Variants in ANKRD12 observed in about 807,000 individuals in gnomAD.
ANKRD12 encodes ankyrin repeat domain-containing protein 12.
A neutral mutation model predicts 183.4 loss-of-function variants in ANKRD12; 85 were observed. That is an observed-to-expected ratio of 0.46 (90% CI 0.39 to 0.56). The LOEUF (loss-of-function observed/expected upper bound fraction) is 0.56. Ranked by LOEUF, ANKRD12 falls within the 20% of genes least tolerant of loss-of-function variation. ANKRD12 has a pLI of 0.00. For synonymous variants in ANKRD12, 914 were observed against 800.2 expected (o/e 1.14, Z -2.40); for missense variants, 2,405 against 2,357.1 (o/e 1.02, Z -0.42).
rs113752187 is a variant in ANKRD12, at chr18:9,139,605, C to G, written c.-52+2640C>G. Among the ~76,000 whole-genome samples, 559 of 152,266 alleles carry G rather than the reference C, an allele frequency of 3.7e-3. 13 individuals carry two copies. The highest frequency in any genetic ancestry group is 0.013 in the African/African-American group (530 of 41,540). ...TAGTTCATAAGAGGTTTCTACTGCT[C>G]TCTGTATATAGACTTAGTTATGTTA... On this transcript the variant is annotated intron_variant, in intron 1 of 12. Coordinates refer to ENST00000262126, the MANE Select transcript of ANKRD12 (RefSeq NM_015208.5).
At chr18:9,258,966 C>G in intron 9 of ANKRD12, 35 bp downstream of exon 9, 2 of 1,550,500 alleles carry the variant, frequency 1.3e-6, no homozygotes, top group Non-Finnish European at 1.7e-6. Flanking sequence ...ACACCTGTAA[C>G]ACTGCCCAAT....
chr18:9,280,835 C>A, intron 12 of ANKRD12, 106 bp from the exon 13 acceptor site: 1 of 984,146 alleles, frequency 1.0e-6, no homozygotes, highest in Non-Finnish European at 1.5e-6. Context: ...GCTTTTTATG[C>A]TCCTGATGTG....
intron 8 of ANKRD12, among the ~76,000 whole-genome samples, chr18:9,247,932 G>A (rs2038059067): frequency 6.6e-6 from 1 of 151,812 alleles, no homozygotes; most frequent in African/African-American, 2.4e-5. Context: ...GATTACAGGC[G>A]CCCCCCACCT....
At chr18:9,266,962 CA>C (rs1385604734) in intron 10 of ANKRD12, among the ~76,000 whole-genome samples, 1 of 152,088 alleles carries the variant, frequency 6.6e-6, no homozygotes, top group Non-Finnish European at 1.5e-5. Flanking sequence ...GCAGGGGTTG[CA>C]ATCCTAGTCT....
Position 9,197,817 on chromosome 18 carries a change from G to T in ANKRD12, c.235+2119G>T, listed in dbSNP as rs141029044. The stretch of plus-strand genomic sequence containing the variant: ...TTTTGCTGTCTCAGGGATGCAGGGA[G>T]GCAGAAGAAAATTCCTGTGTAAGTG... On this transcript the variant is annotated intron_variant, in intron 3 of 12. Transcript: ENST00000262126. Among the ~76,000 whole-genome samples the T allele has an allele frequency of 2.6e-3, 393 of 152,264 alleles. 10 individuals carry two copies. Among genetic ancestry groups the T allele is most frequent in the Admixed American group, 0.021 (324 of 15,288 alleles).
chr18:9,263,563 A>G (rs1567992001), intron 9 of ANKRD12, among the ~76,000 whole-genome samples: 1 of 152,156 alleles, frequency 6.6e-6, no homozygotes, highest in Non-Finnish European at 1.5e-5. Flanking sequence ...TAGTCCTTCT[A>G]ATTTGCTCTT....
intron 3 of ANKRD12, among the ~76,000 whole-genome samples, chr18:9,202,147 T>C (rs974242623): frequency 6.6e-6 from 1 of 152,176 alleles, no homozygotes; most frequent in Admixed American, 6.5e-5. Context: ...TTTAAAAAGA[T>C]AATGTGTTAT....
At chr18:9,157,125 G>A (rs1045411771) in intron 1 of ANKRD12, among the ~76,000 whole-genome samples, 5 of 152,138 alleles carry the variant, frequency 3.3e-5, no homozygotes, top group East Asian at 3.9e-4. Context: ...TTAGGATGGC[G>A]TTACATCCCA....
chr18:9,141,617 G>A (rs2078318381), intron 1 of ANKRD12, among the ~76,000 whole-genome samples: 1 of 152,176 alleles, frequency 6.6e-6, no homozygotes, highest in Non-Finnish European at 1.5e-5. Context: ...AAGTTACAGG[G>A]TGGAAGTCAT....
intron 7 of ANKRD12, among the ~76,000 whole-genome samples, chr18:9,221,427 C>T (rs761390650): frequency 6.6e-6 from 1 of 152,100 alleles, no homozygotes; most frequent in Non-Finnish European, 1.5e-5. Flanking sequence ...GTGATATTAG[C>T]CTAAAGCAGA....
intron 1 of ANKRD12, among the ~76,000 whole-genome samples, chr18:9,171,484 A>G (rs1442659196): frequency 6.6e-6 from 1 of 151,990 alleles, no homozygotes; most frequent in Non-Finnish European, 1.5e-5. Flanking sequence ...CTAGCTGGTT[A>G]TTTGTTAGAC....
intron 10 of ANKRD12, among the ~76,000 whole-genome samples, chr18:9,267,742 G>T (rs574264458): frequency 2.6e-5 from 4 of 151,826 alleles, no homozygotes; most frequent in African/African-American, 9.7e-5. Context: ...ACATTCAAAA[G>T]GTAGCAGAAG....
At chr18:9,160,162 T>G (rs1259139674) in intron 1 of ANKRD12, among the ~76,000 whole-genome samples, 1 of 152,094 alleles carries the variant, frequency 6.6e-6, no homozygotes, top group East Asian at 1.9e-4. Flanking sequence ...TCCCAGCTAC[T>G]TGGGAGGCTG....
At chr18:9,180,767 G>A (rs1292230919) in intron 1 of ANKRD12, among the ~76,000 whole-genome samples, 1 of 152,056 alleles carries the variant, frequency 6.6e-6, no homozygotes, top group Non-Finnish European at 1.5e-5. Context: ...TTGAAAAATG[G>A]TGTAAGCTTT....
intron 10 of ANKRD12, among the ~76,000 whole-genome samples, chr18:9,266,081 AAACG>A (rs1441656884): frequency 6.6e-6 from 1 of 152,206 alleles, no homozygotes; most frequent in East Asian, 1.9e-4. Flanking sequence ...GAATAAAAAG[AAACG>A]AACAAAGCCT....
chr18:9,178,709 A>C (rs2033481417), intron 1 of ANKRD12, among the ~76,000 whole-genome samples: 1 of 152,174 alleles, frequency 6.6e-6, no homozygotes, highest in Non-Finnish European at 1.5e-5. Flanking sequence ...AAATTTGACT[A>C]GGATTGCCTT....
At chr18:9,177,300 G>A (rs556327819) in intron 1 of ANKRD12, among the ~76,000 whole-genome samples, 2 of 152,286 alleles carry the variant, frequency 1.3e-5, no homozygotes, top group East Asian at 1.9e-4. Flanking sequence ...TGGCCGTACC[G>A]CTATGCATCA....
At chr18:9,197,726 A>G (rs576509247) in intron 3 of ANKRD12, among the ~76,000 whole-genome samples, 6 of 152,352 alleles carry the variant, frequency 3.9e-5, no homozygotes, top group South Asian at 4.1e-4. Context: ...ATGGAAATGT[A>G]TCATTATAAA....
intron 4 of ANKRD12, among the ~76,000 whole-genome samples, chr18:9,204,940 A>T (rs150103649): frequency 6.6e-6 from 1 of 152,366 alleles, no homozygotes; most frequent in African/African-American, 2.4e-5. Context: ...TTCAATAGAC[A>T]GTGTCATCTT....
Sources: gnomAD v4.1 joint callset for allele counts (sites outside exome capture counted in the v4.1 genomes callset) on GRCh38, gnomAD v4.1.1 for gene constraint, MANE v1.5 for transcripts, NCBI Gene and HGNC (gene_info 2026-07-23, HGNC 2026-07-21) for gene names.